The following DCC variants were observed in gnomAD, a reference collection of about 807,000 sequenced individuals.
DCC encodes the protein DCC netrin 1 receptor.
In DCC, 58 loss-of-function variants were observed where a neutral mutation model predicts 172.5. That is an observed-to-expected ratio of 0.34 (90% CI 0.27 to 0.42). DCC has a LOEUF of 0.42. DCC is among the 10% of genes least tolerant of loss of function. The pLI is 1.00. For missense variants in DCC, 1,740 were observed against 1,791.0 expected, an observed-to-expected ratio of 0.97 and a Z score of 0.51; for synonymous variants, 709 against 644.5, an observed-to-expected ratio of 1.10 and a Z score of -1.52.
In DCC at chr18:52,752,253, G is replaced by A. The variant is rs377041563; in HGVS notation, c.291G>A (p.Leu97=). The A allele has an allele frequency of 5.6e-6, 9 of 1,614,050 alleles. No individual in the cohort carries two copies. The African/African-American group carries it at 6.7e-5, about 12-fold the overall frequency. Residue 97 remains leucine, a synonymous_variant, in exon 2 of 29, where the codon CTG becomes CTA. Coordinates refer to ENST00000442544, the MANE Select transcript of DCC (RefSeq NM_005215.4). ...ERKQQLSNGS[L]LIQNILHSRH... is the part of the protein sequence containing the mutation. ...AGCAGCAACTTTCAAATGGGTCTCT[G>A]CTGATACAAAACATACTTCATTCCA...
chr18:53,163,431 C>G (rs2054872739), intron 8 of DCC, among the ~76,000 whole-genome samples: 1 of 152,206 alleles, frequency 6.6e-6, no homozygotes, highest in East Asian at 1.9e-4. Context: ...AAATATGCCA[C>G]TGTCTCTTAG....
chr18:53,036,505 T>C (rs181244819), intron 5 of DCC, among the ~76,000 whole-genome samples: 1 of 152,204 alleles, frequency 6.6e-6, no homozygotes, highest in East Asian at 1.9e-4. Context: ...ACTTTCTATC[T>C]GATTTCAGAT....
At chr18:52,435,607 C>T (rs1377975255) in intron 1 of DCC, among the ~76,000 whole-genome samples, 3 of 152,202 alleles carry the variant, frequency 2.0e-5, no homozygotes, top group African/African-American at 7.2e-5. Flanking sequence ...TTTATCTCAA[C>T]GGTGATAGTG....
chr18:52,618,347 T>C (rs2034421903), intron 1 of DCC, among the ~76,000 whole-genome samples: 1 of 152,198 alleles, frequency 6.6e-6, no homozygotes, highest in Non-Finnish European at 1.5e-5. Flanking sequence ...TTATGCAGAA[T>C]AAACTATTTG....
rs536859423 is a variant in DCC, at chr18:53,246,496, A to T, written c.1911+30899A>T. Among the ~76,000 whole-genome samples, 4 of 152,018 alleles carry T rather than the reference A, an allele frequency of 2.6e-5. No homozygotes were observed. The East Asian group carries it at 5.8e-4, about 22-fold the overall frequency. ...ATCTCAGCTCATATTTCTTTATTTT[A>T]TCTGGACTAATGCAGTCACTTAGTG... On this transcript the variant is annotated intron_variant, in intron 12 of 28. Coordinates refer to ENST00000442544, the MANE Select transcript of DCC (RefSeq NM_005215.4).
intron 25 of DCC, among the ~76,000 whole-genome samples, chr18:53,484,172 AT>A (rs551905713): frequency 3.2e-4 from 49 of 151,716 alleles, no homozygotes; most frequent in Non-Finnish European, 6.3e-4. Context: ...ACTACCTGAG[AT>A]TTTCCTTCAA....
chr18:52,415,196 A>G (rs538529239), intron 1 of DCC, among the ~76,000 whole-genome samples: 2 of 152,150 alleles, frequency 1.3e-5, no homozygotes, highest in Non-Finnish European at 2.9e-5. Flanking sequence ...GACCCTTCAT[A>G]ACCTTTTCAT....
At chr18:53,230,958 A>C (rs2056113002) in intron 12 of DCC, among the ~76,000 whole-genome samples, 1 of 151,088 alleles carries the variant, frequency 6.6e-6, no homozygotes. Flanking sequence ...AGATATGTAG[A>C]TTTGCCTATT....
At chr18:53,397,183 A>T in intron 17 of DCC, 125 bp from the exon 18 acceptor site, 1 of 835,792 alleles carries the variant, frequency 1.2e-6, no homozygotes, top group Non-Finnish European at 2.0e-6. Context: ...GCTATGCTCT[A>T]CTCCTCTGCT....
intron 12 of DCC, among the ~76,000 whole-genome samples, chr18:53,282,081 T>C (rs564569495): frequency 2.0e-5 from 3 of 152,160 alleles, no homozygotes; most frequent in Admixed American, 6.6e-5. Flanking sequence ...TTTCACTACC[T>C]ACAACGTACT....
At chr18:52,870,413 T>C (rs2039300712) in intron 2 of DCC, among the ~76,000 whole-genome samples, 1 of 152,128 alleles carries the variant, frequency 6.6e-6, no homozygotes, top group African/African-American at 2.4e-5. Context: ...CTGCTCTGGA[T>C]TGCCCACCAC....
chr18:52,461,053 G>A (rs530377412), intron 1 of DCC, among the ~76,000 whole-genome samples: 4 of 152,120 alleles, frequency 2.6e-5, no homozygotes, highest in South Asian at 2.1e-4. Context: ...TTGACTGTTT[G>A]TAGTAACACT....
intron 22 of DCC, among the ~76,000 whole-genome samples, chr18:53,445,215 C>T (rs1026759504): frequency 1.2e-4 from 19 of 152,068 alleles, no homozygotes; most frequent in East Asian, 1.2e-3. Flanking sequence ...TACTTTGAAA[C>T]GATCAAGGCC....
chr18:52,951,641 C>A (rs2040649972), intron 5 of DCC, among the ~76,000 whole-genome samples: 1 of 152,166 alleles, frequency 6.6e-6, no homozygotes, highest in African/African-American at 2.4e-5. Flanking sequence ...GCATACAAGT[C>A]TTTTCAAAAT....
intron 1 of DCC, among the ~76,000 whole-genome samples, chr18:52,621,591 T>C (rs1161175348): frequency 2.0e-5 from 3 of 152,224 alleles, no homozygotes; most frequent in African/African-American, 7.2e-5. Context: ...AAAGGGACTG[T>C]ACTTTTGCAA....
chr18:52,628,010 A>C (rs1448399650), intron 1 of DCC, among the ~76,000 whole-genome samples: 1 of 152,134 alleles, frequency 6.6e-6, no homozygotes, highest in Non-Finnish European at 1.5e-5. Context: ...AAATTTGATG[A>C]CTCTGCCTTG....
chr18:53,312,924 G>C (rs1163243867), intron 13 of DCC, among the ~76,000 whole-genome samples: 2 of 74,864 alleles, frequency 2.7e-5, no homozygotes, highest in East Asian at 4.6e-4. Context: ...AGGGAGGGGA[G>C]GGGAGGGAAG....
At chr18:52,892,484 T>C (rs922143301) in intron 2 of DCC, 2 of 152,148 alleles carry the variant, frequency 1.3e-5, no homozygotes, top group Non-Finnish European at 2.9e-5. Flanking sequence ...GATGATTTAC[T>C]ATTCTCCAAC....
At chr18:53,200,440 C>T (rs1325968870) in intron 9 of DCC, among the ~76,000 whole-genome samples, 1 of 152,146 alleles carries the variant, frequency 6.6e-6, no homozygotes, top group Non-Finnish European at 1.5e-5. Flanking sequence ...ACTCATTTGG[C>T]TGACATTTAA....
Sources: gnomAD v4.1 joint callset for allele counts (sites outside exome capture counted in the v4.1 genomes callset) on GRCh38, gnomAD v4.1.1 for gene constraint, MANE v1.5 for transcripts, NCBI Gene and HGNC (gene_info 2026-07-23, HGNC 2026-07-21) for gene names.